The following PTPRN2 variants were observed in gnomAD, a reference collection of about 807,000 sequenced individuals.
PTPRN2 encodes the protein receptor-type tyrosine-protein phosphatase N2.
In PTPRN2, 74 loss-of-function variants were observed where a neutral mutation model predicts 118.8. The observed-to-expected ratio is 0.62, with a 90% CI of 0.52 to 0.76. The LOEUF is 0.76. PTPRN2 is among the 30% of genes least tolerant of loss of function. The pLI is 0.00. For missense variants in PTPRN2, 1,481 were observed against 1,394.4 expected (o/e 1.06, Z -0.99); for synonymous variants, 641 against 608.0 (o/e 1.05, Z -0.80).
At chr7:158,169,969 G>T (rs1823394190) in intron 5 of PTPRN2, among the ~76,000 whole-genome samples, 1 of 152,208 alleles carries the variant, frequency 6.6e-6, no homozygotes, top group Non-Finnish European at 1.5e-5. Context: ...TGGGATTACA[G>T]TCATGAGCCA....
chr7:157,670,792 G>A (rs57956460), intron 13 of PTPRN2, among the ~76,000 whole-genome samples: 1,843 of 152,360 alleles, frequency 0.012, 37 homozygotes, highest in African/African-American at 0.043. Context: ...AGGCCCCACA[G>A]GCTGAACCTT....
chr7:157,632,721 T>C lies in PTPRN2; in HGVS notation c.2197-11212A>G, dbSNP rs149125820. Among the ~76,000 whole-genome samples, 1,512 of 152,324 alleles carry C rather than the reference T, an allele frequency of 9.9e-3. 10 individuals are homozygous for C. The highest frequency in any genetic ancestry group is 0.013 in the Non-Finnish European group (906 of 68,022). On this transcript the variant is annotated intron_variant, in intron 14 of 22. Coordinates refer to ENST00000389418, the MANE Select transcript of PTPRN2 (RefSeq NM_002847.5). This position sits in a 1 kb window ranked among gnomAD's most constrained non-coding sequence, Gnocchi z 4.3. ...ATTCTCAGAGAAGCGCAAAGAATTTTAAATGAACAATTTTATGAATCTTAT... is the reference window on the plus strand; with the variant it reads ...ATTCTCAGAGAAGCGCAAAGAATTTCAAATGAACAATTTTATGAATCTTAT...
At chr7:158,306,476 A>G (rs929571310) in intron 3 of PTPRN2, among the ~76,000 whole-genome samples, 1 of 152,094 alleles carries the variant, frequency 6.6e-6, no homozygotes. Flanking sequence ...CTCACACAGA[A>G]CCCTCAGCAG....
chr7:158,487,827 C>T (rs922553172), intron 2 of PTPRN2, among the ~76,000 whole-genome samples: 9 of 152,054 alleles, frequency 5.9e-5, no homozygotes, highest in African/African-American at 1.9e-4. Flanking sequence ...GACTGGGCAC[C>T]ACTGGCTTCG....
chr7:157,577,417 A>G lies in PTPRN2; in HGVS notation c.2616+604T>C, dbSNP rs562559953. On this transcript the variant is annotated intron_variant, in intron 18 of 22. Transcript: ENST00000389418. Reference sequence around the variant, plus strand: ...AATGCCAAACAGAATCAAAGCATGCATTCTAGTGCTGGCTTAATCACCCAC... The same window carrying G: ...AATGCCAAACAGAATCAAAGCATGCGTTCTAGTGCTGGCTTAATCACCCAC... 4.6e-5 allele frequency among the ~76,000 whole-genome samples: 7 copies of G among 152,344 alleles called. No homozygotes were observed. The South Asian group carries it at 8.3e-4, about 18-fold the overall frequency.
intron 1 of PTPRN2, among the ~76,000 whole-genome samples, chr7:158,568,542 T>G (rs1048764895): frequency 2.6e-5 from 4 of 152,122 alleles, no homozygotes; most frequent in Non-Finnish European, 4.4e-5. Context: ...CTTCAAATAC[T>G]GGGGTAAATC....
chr7:157,907,186 G>A (rs1428270354), intron 11 of PTPRN2, among the ~76,000 whole-genome samples: 1 of 152,236 alleles, frequency 6.6e-6, no homozygotes, highest in Non-Finnish European at 1.5e-5. Context: ...TGACCGAGCA[G>A]TGTGGCCCGA....
At chr7:158,300,823 A>G (rs1800839146) in intron 3 of PTPRN2, among the ~76,000 whole-genome samples, 1 of 152,150 alleles carries the variant, frequency 6.6e-6, no homozygotes, top group African/African-American at 2.4e-5. Context: ...ATGTGTGAGC[A>G]AAGGTGGAGA....
At chr7:158,435,366 A>T (rs565305332) in intron 2 of PTPRN2, among the ~76,000 whole-genome samples, 2 of 152,294 alleles carry the variant, frequency 1.3e-5, no homozygotes, top group East Asian at 3.9e-4. Context: ...GACATCACTA[A>T]TCGCCAGCAA....
intron 6 of PTPRN2, among the ~76,000 whole-genome samples, chr7:158,156,931 T>A (rs903691390): frequency 2.0e-5 from 3 of 151,190 alleles, no homozygotes; most frequent in Non-Finnish European, 4.4e-5. Flanking sequence ...CCCATTGTGC[T>A]AACACAGCGG....
intron 12 of PTPRN2, among the ~76,000 whole-genome samples, chr7:157,693,171 C>A (rs1206027797): frequency 1.3e-5 from 2 of 151,896 alleles, no homozygotes; most frequent in Non-Finnish European, 2.9e-5. Context: ...GGGGAGGGGG[C>A]TCGGAGGAGG....
intron 2 of PTPRN2, among the ~76,000 whole-genome samples, chr7:158,375,562 A>G (rs1293523925): frequency 6.6e-6 from 1 of 152,230 alleles, no homozygotes; most frequent in Admixed American, 6.5e-5. Flanking sequence ...TGGGTAGAAG[A>G]GGGTAGTTCC....
rs1164135297 is a variant in PTPRN2, at chr7:158,126,629, CGGG to C, written c.1556+7045_1556+7047del. Among the ~76,000 whole-genome samples, 186 of 120,046 alleles carry C rather than the reference CGGG, an allele frequency of 1.5e-3. 24 individuals carry two copies. The highest frequency in any genetic ancestry group is 5.8e-3 in the African/African-American group (165 of 28,670). 78.8% of individuals were successfully genotyped at this position (120,046 alleles called of 152,430 possible). ...CTCCGCCACACCAGCCCCCGGAGAG[CGGG>C]CGGCGGAACTTCCTCTCCACCACAC... On this transcript the variant is annotated intron_variant, in intron 9 of 22. Transcript: ENST00000389418.
intron 2 of PTPRN2, among the ~76,000 whole-genome samples, chr7:158,459,911 A>G (rs2178529): frequency 0.035 from 2,150 of 61,732 alleles, 524 homozygotes; most frequent in Middle Eastern, 0.053. Context: ...TCATCCAGCT[A>G]CAGGATGGGA....
intron 5 of PTPRN2, among the ~76,000 whole-genome samples, chr7:158,183,756 G>T (rs956008970): frequency 5.9e-5 from 9 of 152,330 alleles, no homozygotes; most frequent in Admixed American, 2.6e-4. Context: ...ACACTGTGGG[G>T]CTTACAGTTC....
At chr7:158,195,232 G>A (rs1266956554) in intron 4 of PTPRN2, among the ~76,000 whole-genome samples, 1 of 152,148 alleles carries the variant, frequency 6.6e-6, no homozygotes, top group Non-Finnish European at 1.5e-5. Context: ...CTGGGTTGAT[G>A]TTTGTTTGTT....
chr7:157,886,558 A>G (rs1796455863), intron 12 of PTPRN2, among the ~76,000 whole-genome samples: 3 of 152,282 alleles, frequency 2.0e-5, no homozygotes, highest in Admixed American at 2.0e-4. Context: ...TCCGTGAGCC[A>G]GCGCAACGTG....
Position 158,143,293 on chromosome 7 carries a change from A to G in PTPRN2, c.911-4778T>C, listed in dbSNP as rs186250095. On this transcript the variant is annotated intron_variant, in intron 6 of 22. Transcript: ENST00000389418. ...AAGGGTCCCGGGCTCCACCAGGCGG[A>G]GCCCAGAAAACTAACAGCCCCAGAG... 6.1e-3 allele frequency among the ~76,000 whole-genome samples: 930 copies of G among 152,308 alleles called. 8 individuals are homozygous for G. The highest frequency in any genetic ancestry group is 0.034 in the Middle Eastern group (10 of 294).
chr7:158,456,456 C>T (rs564256086), intron 2 of PTPRN2, among the ~76,000 whole-genome samples: 116 of 150,584 alleles, frequency 7.7e-4, no homozygotes, highest in Middle Eastern at 7.3e-3. Context: ...CATAATGGCA[C>T]GGACGCCATC....
Sources: allele counts gnomAD v4.1 joint callset (sites outside exome capture counted in the v4.1 genomes callset), GRCh38; gene constraint gnomAD v4.1.1; non-coding constraint Gnocchi (gnomAD v3.1); transcripts MANE v1.5; gene names NCBI Gene and HGNC (gene_info 2026-07-23, HGNC 2026-07-21).